The following MRRF variants were observed in gnomAD, a reference collection of about 807,000 sequenced individuals.
The protein encoded by MRRF is ribosome-recycling factor, mitochondrial.
In MRRF, 18 loss-of-function variants were observed where a neutral mutation model predicts 25.1. The ratio of observed to expected loss-of-function variants is 0.72; its 90% CI spans 0.50 to 1.06. The LOEUF is 1.06. MRRF is among the 50% of genes least tolerant of loss of function. The pLI is 0.00. For missense variants in MRRF, 323 were observed against 319.3 expected, an observed-to-expected ratio of 1.01 and a Z score of -0.09; for synonymous variants, 113 against 112.1, an observed-to-expected ratio of 1.01 and a Z score of -0.05.
intron 5 of MRRF, among the ~76,000 whole-genome samples, chr9:122,308,138 C>T (rs920022686): frequency 9.2e-5 from 14 of 152,126 alleles, no homozygotes; most frequent in African/African-American, 3.4e-4. Context: ...CCTGCCAGCT[C>T]AGCCAAAACC....
intron 1 of MRRF, among the ~76,000 whole-genome samples, chr9:122,265,933 A>G (rs771990744): frequency 1.6e-4 from 24 of 152,228 alleles, no homozygotes; most frequent in Non-Finnish European, 3.4e-4. Context: ...CTGGTACTGC[A>G]TTTAGAGAAG....
At chr9:122,320,763 T>A (rs1835847584) in intron 6 of MRRF, among the ~76,000 whole-genome samples, 1 of 152,242 alleles carries the variant, frequency 6.6e-6, no homozygotes, top group African/African-American at 2.4e-5. Context: ...TCTACCCTTT[T>A]TAGTGCATTT....
intron 5 of MRRF, among the ~76,000 whole-genome samples, chr9:122,310,144 C>T (rs1263439761): frequency 2.0e-5 from 3 of 152,178 alleles, no homozygotes; most frequent in Non-Finnish European, 4.4e-5. Context: ...TTTTTAATTT[C>T]TGTTTCCAAA....
At chr9:122,309,609 A>G (rs1835081280) in intron 5 of MRRF, among the ~76,000 whole-genome samples, 1 of 151,730 alleles carries the variant, frequency 6.6e-6, no homozygotes, top group Admixed American at 6.6e-5. Context: ...TTTTTGTAGA[A>G]CCTCTATATG....
intron 1 of MRRF, among the ~76,000 whole-genome samples, chr9:122,269,446 C>T (rs953088181): frequency 2.0e-5 from 3 of 151,986 alleles, no homozygotes; most frequent in Non-Finnish European, 2.9e-5. Flanking sequence ...TTTTAGAGGC[C>T]GGGCATGGTG....
At position 122,281,112 on chromosome 9, in the gene MRRF, T is replaced by C. The variant is rs575931085; in HGVS notation, c.340+514T>C. On this transcript the variant is annotated intron_variant, in intron 3 of 6. Transcript: ENST00000344641. ...ATACAGACCTGCCCACGTGAGGCAT[T>C]TCTATACCCCTGAGCTTGACCAGGA... 3.0e-4 allele frequency among the ~76,000 whole-genome samples: 45 copies of C among 152,310 alleles called. 1 individual carries two copies. The highest frequency in any genetic ancestry group is 1.8e-3 in the Admixed American group (27 of 15,294).
intron 4 of MRRF, chr9:122,285,659 C>A (rs1462120930): frequency 5.0e-6 from 4 of 794,308 alleles, no homozygotes; most frequent in Non-Finnish European, 7.1e-6. Context: ...CAATGTAGGC[C>A]TGGTAATCAG....
intron 1 of MRRF, among the ~76,000 whole-genome samples, chr9:122,268,455 A>G (rs1832255054): frequency 6.6e-6 from 1 of 152,224 alleles, no homozygotes; most frequent in South Asian, 2.1e-4. Flanking sequence ...TATAAGTATG[A>G]GTTAGGCATT....
intron 5 of MRRF, among the ~76,000 whole-genome samples, chr9:122,293,811 G>C (rs1833919524): frequency 6.6e-6 from 1 of 152,132 alleles, no homozygotes; most frequent in Non-Finnish European, 1.5e-5. Flanking sequence ...CCTCTTGTTT[G>C]TATTGCCTCC....
At chr9:122,298,362 G>T (rs778574953) in intron 5 of MRRF, among the ~76,000 whole-genome samples, 2 of 151,902 alleles carry the variant, frequency 1.3e-5, no homozygotes, top group South Asian at 4.2e-4. Context: ...TGGAATACAG[G>T]GTATTTATTT....
intron 4 of MRRF, among the ~76,000 whole-genome samples, chr9:122,290,689 T>G (rs1046304474): frequency 6.6e-6 from 1 of 152,210 alleles, no homozygotes; most frequent in Non-Finnish European, 1.5e-5. Flanking sequence ...CGGTCAAGCC[T>G]AAAATTCTTT....
chr9:122,279,558 G>A (rs1282407559), intron 2 of MRRF, among the ~76,000 whole-genome samples: 1 of 152,122 alleles, frequency 6.6e-6, no homozygotes, highest in East Asian at 1.9e-4. Context: ...AAATTTTATT[G>A]TTTTTCTCCT....
chr9:122,290,649 C>A (rs1407370086), intron 4 of MRRF, among the ~76,000 whole-genome samples: 1 of 152,288 alleles, frequency 6.6e-6, no homozygotes, highest in South Asian at 2.1e-4. Context: ...CAGGAATTGG[C>A]CTTTGAATCC....
At chr9:122,320,906 A>G (rs2119014093) in intron 6 of MRRF, among the ~76,000 whole-genome samples, 1 of 152,338 alleles carries the variant, frequency 6.6e-6, no homozygotes, top group African/African-American at 2.4e-5. Context: ...TCCTGCTTTC[A>G]GTCTCTTTTC....
chr9:122,280,345 G>T (rs1833022915), intron 2 of MRRF, 98 bp from the exon 3 acceptor site: 2 of 1,310,534 alleles, frequency 1.5e-6, no homozygotes, highest in East Asian at 2.3e-5. Context: ...TCTAACACTT[G>T]ACATTTTTCC....
chr9:122,290,373 A>G (rs1833687189), intron 4 of MRRF, among the ~76,000 whole-genome samples: 1 of 152,190 alleles, frequency 6.6e-6, no homozygotes, highest in South Asian at 2.1e-4. Flanking sequence ...ATCTGTGGCC[A>G]GAGGTACTAT....
intron 3 of MRRF, among the ~76,000 whole-genome samples, chr9:122,281,693 G>A (rs988677864): frequency 5.3e-5 from 8 of 152,136 alleles, no homozygotes; most frequent in African/African-American, 1.2e-4. Context: ...TTCTGCAGCC[G>A]AAACCAGAGA....
intron 2 of MRRF, among the ~76,000 whole-genome samples, chr9:122,271,798 A>G (rs1175555308): frequency 1.3e-5 from 2 of 152,228 alleles, no homozygotes. Flanking sequence ...ATTTTGTTGA[A>G]TGAAAGAATG....
intron 6 of MRRF, among the ~76,000 whole-genome samples, chr9:122,315,454 T>C (rs73557048): frequency 0.017 from 2,657 of 152,330 alleles, 79 homozygotes; most frequent in African/African-American, 0.056. Context: ...CTTGACTCTT[T>C]GGAGTCTGTT....
Sources: allele counts gnomAD v4.1 joint callset (sites outside exome capture counted in the v4.1 genomes callset), GRCh38; gene constraint gnomAD v4.1.1; transcripts MANE v1.5; gene names NCBI Gene and HGNC (gene_info 2026-07-23, HGNC 2026-07-21).